The following APP variants were observed in gnomAD, a reference collection of about 807,000 sequenced individuals.
APP encodes the protein amyloid-beta precursor protein.
In APP, 31 loss-of-function variants were observed where a neutral mutation model predicts 101.4. The observed-to-expected ratio is 0.31, with a 90% CI of 0.23 to 0.41. APP has a LOEUF of 0.41. Ranked by LOEUF, APP falls within the 10% of genes least tolerant of loss-of-function variation. APP has a pLI of 1.00. For synonymous variants in APP, 366 were observed against 364.4 expected (o/e 1.00, Z -0.05); for missense variants, 839 against 1,003.7 (o/e 0.84, Z 2.22).
At chr21:25,884,853 G>A (rs1330947898) in intron 17 of APP, among the ~76,000 whole-genome samples, 1 of 152,202 alleles carries the variant, frequency 6.6e-6, no homozygotes, top group Non-Finnish European at 1.5e-5. Flanking sequence ...TCATTTGCAT[G>A]CATCAAGGGC....
At chr21:25,987,424 C>A (rs2042680334) in intron 8 of APP, among the ~76,000 whole-genome samples, 1 of 152,198 alleles carries the variant, frequency 6.6e-6, no homozygotes, top group South Asian at 2.1e-4. Flanking sequence ...AGCAGCAATA[C>A]CAACATCACA....
intron 8 of APP, among the ~76,000 whole-genome samples, chr21:25,994,061 TGA>T (rs971935041): frequency 5.3e-5 from 8 of 152,244 alleles, no homozygotes. Context: ...TGATGCTCTT[TGA>T]GAGATTAAAT....
intron 13 of APP, among the ~76,000 whole-genome samples, chr21:25,939,112 T>A (rs1356161983): frequency 6.6e-6 from 1 of 152,246 alleles, no homozygotes; most frequent in African/African-American, 2.4e-5. Flanking sequence ...TTTCACAGTT[T>A]CTGATTTTGA....
rs565312536 is a variant in APP at position 25,932,514 on chromosome 21, C to A, written c.1688-20552G>T. Among the ~76,000 whole-genome samples, 3 of 152,242 alleles carry A rather than the reference C, an allele frequency of 2.0e-5. No individual in the cohort carries two copies. The East Asian group carries it at 5.8e-4, about 29-fold the overall frequency. ...TGGATGTACAGCTTCAGGCCTCATA[C>A]GAGAGGATCTCACAACAATCTCTTC... On this transcript the variant is annotated intron_variant, in intron 13 of 17. Transcript: ENST00000346798.
At chr21:26,154,668 G>A (rs185197417) in intron 1 of APP, among the ~76,000 whole-genome samples, 1 of 152,318 alleles carries the variant, frequency 6.6e-6, no homozygotes, top group Non-Finnish European at 1.5e-5. Flanking sequence ...AGCAGAAAAA[G>A]TGATGAAGAA....
chr21:25,896,512 A>G (rs1030387500), intron 16 of APP, among the ~76,000 whole-genome samples: 2 of 152,146 alleles, frequency 1.3e-5, no homozygotes, highest in African/African-American at 2.4e-5. Flanking sequence ...TTTTCTGTCC[A>G]CCACTGAATG....
intron 5 of APP, among the ~76,000 whole-genome samples, chr21:26,031,498 T>A (rs2044819590): frequency 6.6e-6 from 1 of 152,184 alleles, no homozygotes. Context: ...CAGTTCCACA[T>A]GGCTGGGGAG....
intron 11 of APP, among the ~76,000 whole-genome samples, chr21:25,974,794 A>T (rs774284914): frequency 1.3e-5 from 2 of 152,156 alleles, no homozygotes; most frequent in Non-Finnish European, 1.5e-5. Context: ...CAGGAATATT[A>T]AATCAAGTCA....
At chr21:26,103,455 C>T (rs2146173365) in intron 2 of APP, among the ~76,000 whole-genome samples, 1 of 87,458 alleles carries the variant, frequency 1.1e-5, no homozygotes. Flanking sequence ...CAAAAATTAG[C>T]CACATGTGGT....
chr21:26,116,390 C>A (rs915875370), intron 1 of APP, among the ~76,000 whole-genome samples: 1 of 152,134 alleles, frequency 6.6e-6, no homozygotes, highest in Non-Finnish European at 1.5e-5. Context: ...ATAACATAAA[C>A]GAATATAAAC....
chr21:26,009,024 C>T (rs1030656046), intron 6 of APP, among the ~76,000 whole-genome samples: 1 of 152,316 alleles, frequency 6.6e-6, no homozygotes, highest in Admixed American at 6.5e-5. Flanking sequence ...GACTCAACAA[C>T]GATTGTTTTC....
chr21:25,932,397 T>C (rs1446788985), intron 13 of APP, among the ~76,000 whole-genome samples: 1 of 152,176 alleles, frequency 6.6e-6, no homozygotes, highest in Non-Finnish European at 1.5e-5. Flanking sequence ...TGCTGGAAAG[T>C]ACGATCCATT....
At chr21:26,032,389 T>C (rs111379099) in intron 5 of APP, among the ~76,000 whole-genome samples, 1,709 of 152,326 alleles carry the variant, frequency 0.011, 35 homozygotes, top group African/African-American at 0.039. Context: ...GTTAATTGTA[T>C]GTTCTAGTTA....
At chr21:26,064,236 G>A (rs2046374243) in intron 3 of APP, among the ~76,000 whole-genome samples, 1 of 152,150 alleles carries the variant, frequency 6.6e-6, no homozygotes, top group African/African-American at 2.4e-5. Flanking sequence ...AAGGACATCT[G>A]AATAAAGTAT....
chr21:25,991,970 G>A (rs1266750232), intron 8 of APP, among the ~76,000 whole-genome samples: 1 of 152,196 alleles, frequency 6.6e-6, no homozygotes. Flanking sequence ...AATCTGAAAT[G>A]CTCCAAAATC....
At chr21:25,983,607 G>C (rs1320440759) in intron 8 of APP, among the ~76,000 whole-genome samples, 2 of 152,184 alleles carry the variant, frequency 1.3e-5, no homozygotes, top group East Asian at 3.8e-4. Flanking sequence ...AAAACCGGAA[G>C]GCTGTTAAAT....
intron 1 of APP, among the ~76,000 whole-genome samples, chr21:26,156,192 A>G (rs1417734200): frequency 1.3e-5 from 2 of 152,104 alleles, no homozygotes; most frequent in Non-Finnish European, 2.9e-5. Flanking sequence ...ATAATCTCCC[A>G]TTTTTTAAAA....
intron 3 of APP, among the ~76,000 whole-genome samples, chr21:26,064,017 C>A (rs980832424): frequency 9.2e-5 from 14 of 152,130 alleles, no homozygotes; most frequent in Non-Finnish European, 1.8e-4. Context: ...AACCAATAAC[C>A]CCAGGCAAAG....
At chr21:26,129,051 A>G (rs1053395289) in intron 1 of APP, among the ~76,000 whole-genome samples, 2 of 152,226 alleles carry the variant, frequency 1.3e-5, no homozygotes, top group Non-Finnish European at 2.9e-5. Context: ...TGAGAGCAAG[A>G]AAAGAGAGGA....
Sources: allele counts gnomAD v4.1 joint callset (sites outside exome capture counted in the v4.1 genomes callset), GRCh38; gene constraint gnomAD v4.1.1; transcripts MANE v1.5; gene names NCBI Gene and HGNC (gene_info 2026-07-23, HGNC 2026-07-21).